CELF2: variants seen among roughly 807,000 people sequenced by gnomAD.
CELF2 encodes the protein CUG triplet repeat RNA-binding protein 2.
A neutral mutation model predicts 62.6 loss-of-function variants in CELF2; 8 were observed. That is an observed-to-expected ratio of 0.13 (90% confidence interval 0.07 to 0.23). CELF2 has a LOEUF of 0.23. CELF2 is among the 10% of genes least tolerant of loss of function. CELF2 has a pLI of 1.00. For synonymous variants in CELF2, 258 were observed against 250.0 expected (o/e 1.03, Z -0.30); for missense variants, 333 against 671.0 (o/e 0.50, Z 5.56).
At chr10:11,070,249 G>GT (rs2069458656) in intron 1 of CELF2, among the ~76,000 whole-genome samples, 1 of 152,178 alleles carries the variant, frequency 6.6e-6, no homozygotes, top group South Asian at 2.1e-4. Context: ...AGGACTCAGG[G>GT]TAGGAGACAG....
chr10:11,008,153 T>G lies in CELF2; in HGVS notation c.53+2713T>G, dbSNP rs1446812602. Reference sequence around the variant, plus strand: ...CTGTATCCTTCCATAAGCCTCTATATGTAATGATTCCTCAAGGTAGTGACT... The same window carrying G: ...CTGTATCCTTCCATAAGCCTCTATAGGTAATGATTCCTCAAGGTAGTGACT... On this transcript the variant is annotated intron_variant, in intron 1 of 12. Transcript: ENST00000416382. The surrounding 1 kb of genome is among the most constrained non-coding windows in gnomAD (Gnocchi z 4.5). 1.3e-5 allele frequency among the ~76,000 whole-genome samples: 2 copies of G among 152,208 alleles called. No homozygotes were observed. Among genetic ancestry groups the G allele is most frequent in the Admixed American group, 1.3e-4 (2 of 15,282 alleles).
At chr10:10,777,896 C>G in the CELF2 span, among the ~76,000 whole-genome samples, 1 of 152,180 alleles carries the variant, frequency 6.6e-6, no homozygotes, top group Non-Finnish European at 1.5e-5. Flanking sequence ...GCTCTCACTT[C>G]CTGCACAGCT....
chr10:11,152,778 GTCAGTTTCTC>G (rs1596260484), intron 1 of CELF2, among the ~76,000 whole-genome samples: 1 of 152,146 alleles, frequency 6.6e-6, no homozygotes, highest in East Asian at 1.9e-4. Flanking sequence ...TGTCACAGTT[GTCAGTTTCTC>G]TGACCTGCTA....
intron 1 of CELF2, among the ~76,000 whole-genome samples, chr10:11,128,039 T>C (rs2059013068): frequency 6.6e-6 from 1 of 152,244 alleles, no homozygotes; most frequent in African/African-American, 2.4e-5. Flanking sequence ...CTTTAATCCA[T>C]CTTGAATTAA....
At chr10:10,695,482 G>T in the CELF2 span, among the ~76,000 whole-genome samples, 4 of 150,390 alleles carry the variant, frequency 2.7e-5, no homozygotes, top group East Asian at 5.8e-4. Flanking sequence ...ACAATTATGT[G>T]TCTTGGAGTT....
rs1001751033 is a variant in CELF2 at position 11,043,976 on chromosome 10, G to A, written c.74+25813G>A. Among the ~76,000 whole-genome samples the A allele has an allele frequency of 2.6e-5, 4 of 152,138 alleles. No homozygotes were observed. In the South Asian group the frequency reaches 6.2e-4, roughly 24 times the overall value. On this transcript the variant is annotated intron_variant, in intron 1 of 12. Coordinates refer to ENST00000633077, the MANE Select transcript of CELF2 (RefSeq NM_001326342.2). Reference sequence around the variant, plus strand: ...ATGGGCTTCTTCGCTGTCCTGTGACGCTGCCAGCACACCCTCTTCAGGTTG... The same window carrying A: ...ATGGGCTTCTTCGCTGTCCTGTGACACTGCCAGCACACCCTCTTCAGGTTG...
Position 11,318,659 on chromosome 10 carries a change from A to G in CELF2, c.1097-2530A>G. On this transcript the variant is annotated intron_variant, in intron 10 of 12. Coordinates refer to ENST00000633077, the MANE Select transcript of CELF2 (RefSeq NM_001326342.2). The surrounding 1 kb of genome is among the most constrained non-coding windows in gnomAD (Gnocchi z 5.4). ...AACATCCATCCAGTATTTCAAGAGC[A>G]GGAGCTGTGTTCTGCTTCTGCATTG... 1 of 406,594 alleles carries G rather than the reference A, an allele frequency of 2.5e-6. No homozygotes were observed. Among genetic ancestry groups the G allele is most frequent in the South Asian group, 1.9e-5 (1 of 52,332 alleles). The allele number at this position is 406,594 out of a possible 1,614,324, so 25.2% of individuals were successfully genotyped here. A position where few individuals can be genotyped will look rare whatever the true frequency, so the allele number is the denominator to read the frequency against.
chr10:10,714,940 A>G, the CELF2 span, among the ~76,000 whole-genome samples: 1 of 152,102 alleles, frequency 6.6e-6, no homozygotes. Context: ...TACTTCCACC[A>G]TACCAAAGAT....
the CELF2 span, among the ~76,000 whole-genome samples, chr10:10,507,565 C>T: frequency 4.7e-3 from 709 of 152,232 alleles, 6 homozygotes; most frequent in African/African-American, 0.016. Context: ...AGCATGATCC[C>T]ACTAGCTACC....
chr10:11,014,108 T>C (rs1023496531), upstream of CELF2, among the ~76,000 whole-genome samples: 7 of 152,266 alleles, frequency 4.6e-5, no homozygotes, highest in Admixed American at 3.3e-4. Flanking sequence ...TTTGTTTCTT[T>C]GCTGTTGCTG....
At chr10:11,203,749 T>C (rs1365455088) in intron 2 of CELF2, among the ~76,000 whole-genome samples, 2 of 152,218 alleles carry the variant, frequency 1.3e-5, no homozygotes, top group Admixed American at 6.5e-5. Flanking sequence ...TTTGTCACTT[T>C]CTTCCCAGCC....
chr10:11,203,956 A>G (rs1166847947), intron 2 of CELF2, among the ~76,000 whole-genome samples: 2 of 152,246 alleles, frequency 1.3e-5, no homozygotes, highest in African/African-American at 4.8e-5. Flanking sequence ...TGAGCCTCCA[A>G]CTGAAAGGAT....
chr10:11,264,647 G>A (rs1054353514), intron 5 of CELF2, among the ~76,000 whole-genome samples: 3 of 152,216 alleles, frequency 2.0e-5, no homozygotes, highest in Admixed American at 1.3e-4. Flanking sequence ...GAAACAGATG[G>A]TAAATTTGGA....
At chr10:11,209,539 C>T (rs2061275950) in intron 2 of CELF2, among the ~76,000 whole-genome samples, 1 of 150,482 alleles carries the variant, frequency 6.6e-6, no homozygotes, top group Non-Finnish European at 1.5e-5. Flanking sequence ...GGGTATAAAT[C>T]ACCTTCTACC....
At chr10:10,537,536 A>G in the CELF2 span, among the ~76,000 whole-genome samples, 1 of 152,192 alleles carries the variant, frequency 6.6e-6, no homozygotes, top group Non-Finnish European at 1.5e-5. Context: ...AGTACATTTC[A>G]TCCACTTACC....
At chr10:11,265,496 CTG>C (rs1486446871) in intron 5 of CELF2, among the ~76,000 whole-genome samples, 2 of 152,234 alleles carry the variant, frequency 1.3e-5, no homozygotes, top group African/African-American at 4.8e-5. Context: ...TGAAATAAGT[CTG>C]TGTTGCTTTA....
At chr10:11,150,667 C>T (rs1455258630) in intron 1 of CELF2, among the ~76,000 whole-genome samples, 2 of 152,242 alleles carry the variant, frequency 1.3e-5, no homozygotes, top group Non-Finnish European at 2.9e-5. Context: ...AACAAAACAC[C>T]TGGGCAGCCA....
chr10:11,283,544 A>G (rs901547881), intron 8 of CELF2, among the ~76,000 whole-genome samples: 2 of 143,058 alleles, frequency 1.4e-5, no homozygotes, highest in South Asian at 5.0e-4. Context: ...TGGATGATGA[A>G]TGGATAGATG....
the CELF2 span, among the ~76,000 whole-genome samples, chr10:10,729,387 G>A: frequency 6.6e-6 from 1 of 152,106 alleles, no homozygotes. Flanking sequence ...GGTGAGAATT[G>A]GTAAAGACAT....
Sources: gnomAD v4.1 joint callset for allele counts (sites outside exome capture counted in the v4.1 genomes callset) on GRCh38, gnomAD v4.1.1 for gene constraint, Gnocchi (gnomAD v3.1) non-coding constraint, MANE v1.5 for transcripts, NCBI Gene and HGNC (gene_info 2026-07-23, HGNC 2026-07-21) for gene names.